The following PDE12 variants were observed in gnomAD, a reference collection of about 807,000 sequenced individuals.
The protein encoded by PDE12 is phosphodiesterase 12.
A neutral mutation model predicts 45.4 loss-of-function variants in PDE12; 26 were observed. The observed-to-expected ratio is 0.57, with a 90% CI of 0.42 to 0.79. The LOEUF (loss-of-function observed/expected upper bound fraction) is 0.79. PDE12 is among the 30% of genes least tolerant of loss of function. The pLI is 0.00. For missense variants in PDE12, 668 were observed against 790.0 expected, an observed-to-expected ratio of 0.85 and a Z score of 1.85; for synonymous variants, 283 against 323.9, an observed-to-expected ratio of 0.87 and a Z score of 1.36.
chr3:57,618,928 T>G, the PDE12 span, among the ~76,000 whole-genome samples: 1 of 152,262 alleles, frequency 6.6e-6, no homozygotes, highest in South Asian at 2.1e-4. Flanking sequence ...TTTGTCAATA[T>G]ATTTGTTAAA....
chr3:57,558,567 C>T (rs1281718655), intron 1 of PDE12, among the ~76,000 whole-genome samples: 5 of 152,100 alleles, frequency 3.3e-5, no homozygotes, highest in Non-Finnish European at 5.9e-5. Flanking sequence ...ATCGGCTCAC[C>T]GCAACTTCCG....
the PDE12 span, among the ~76,000 whole-genome samples, chr3:57,578,738 C>G: frequency 4.6e-5 from 7 of 152,058 alleles, no homozygotes; most frequent in Admixed American, 3.3e-4. Context: ...CTTGGCCTCC[C>G]AAAGTGTTGG....
chr3:57,562,244 T>C lies in PDE12; in HGVS notation c.*2240T>C. ...CATTAACACTGGCTAGATTAAACTC[T>C]AGTCAGAAAAACTCAGCACTTAACA... On this transcript the variant is annotated 3_prime_UTR_variant, in exon 3 of 3. Coordinates refer to ENST00000311180, the MANE Select transcript of PDE12 (RefSeq NM_177966.7). 1 of 373,082 alleles carries C rather than the reference T, an allele frequency of 2.7e-6. No individual in the cohort carries two copies. The highest frequency in any genetic ancestry group is 3.7e-6 in the Non-Finnish European group (1 of 270,302). The allele number at this position is 373,082 out of a possible 1,614,324, so 23.1% of individuals were successfully genotyped here. A position where few individuals can be genotyped will look rare whatever the true frequency, so the allele number is the denominator to read the frequency against.
Position 57,566,217 on chromosome 3 carries a change from T to C in PDE12, c.*6213T>C, listed in dbSNP as rs1034015176. The C allele has an allele frequency of 1.3e-5, 2 of 152,254 alleles. No homozygotes were observed. The highest frequency in any genetic ancestry group is 4.8e-5 in the African/African-American group (2 of 41,456). 9.4% of individuals were successfully genotyped at this position (152,254 alleles called of 1,614,324 possible). A position where few individuals can be genotyped will look rare whatever the true frequency, so the allele number is the denominator to read the frequency against. ...CCTGTCTCTGTGGATTTGCCTATTC[T>C]GGACATTTCATATAAATTGAATCAT... On this transcript the variant is annotated 3_prime_UTR_variant, in exon 3 of 3. Transcript: ENST00000311180.
chr3:57,629,507 C>CTTTT, the PDE12 span, among the ~76,000 whole-genome samples: 24 of 98,228 alleles, frequency 2.4e-4, no homozygotes, highest in Admixed American at 8.5e-4. Context: ...AATCAGTCCG[C>CTTTT]TTTTTTTTTT....
the PDE12 span, among the ~76,000 whole-genome samples, chr3:57,589,462 G>A: frequency 6.6e-6 from 1 of 152,212 alleles, no homozygotes; most frequent in Admixed American, 6.5e-5. Context: ...GCTCACACCT[G>A]TAATCCCAGC....
chr3:57,597,907 C>T, the PDE12 span: 4 of 152,200 alleles, frequency 2.6e-5, no homozygotes, highest in Non-Finnish European at 5.9e-5. Flanking sequence ...TAAAAGCTGA[C>T]TTGTGGGCCG....
At chr3:57,598,979 G>T in the PDE12 span, among the ~76,000 whole-genome samples, 1 of 152,140 alleles carries the variant, frequency 6.6e-6, no homozygotes, top group Non-Finnish European at 1.5e-5. Context: ...AGTTAATTTA[G>T]AAAGTTAATT....
the PDE12 span, among the ~76,000 whole-genome samples, chr3:57,645,137 C>T: frequency 6.6e-5 from 10 of 152,088 alleles, no homozygotes; most frequent in Non-Finnish European, 1.5e-4. Flanking sequence ...AACCCAGTCG[C>T]TATTAATGAC....
the PDE12 span, among the ~76,000 whole-genome samples, chr3:57,573,566 T>C: frequency 2.0e-5 from 3 of 152,190 alleles, no homozygotes; most frequent in African/African-American, 4.8e-5. Flanking sequence ...TTAGTGTTGC[T>C]TGCTTATTTA....
At chr3:57,630,440 AG>A in the PDE12 span, 1 of 1,590,748 alleles carries the variant, frequency 6.3e-7, no homozygotes, top group Non-Finnish European at 8.5e-7. Context: ...AAGAGCTTCT[AG>A]ATGGAGTGCC....
At chr3:57,634,066 T>C in the PDE12 span, among the ~76,000 whole-genome samples, 2 of 152,150 alleles carry the variant, frequency 1.3e-5, no homozygotes, top group Admixed American at 6.6e-5. Flanking sequence ...CACTCATGTG[T>C]AGCTACAGCC....
the PDE12 span, among the ~76,000 whole-genome samples, chr3:57,650,445 CAT>C: frequency 4.0e-5 from 6 of 149,372 alleles, no homozygotes; most frequent in East Asian, 2.0e-4. Flanking sequence ...CACACACACA[CAT>C]ACATACACAC....
chr3:57,628,512 G>A, the PDE12 span, among the ~76,000 whole-genome samples: 501 of 152,134 alleles, frequency 3.3e-3, 11 homozygotes, highest in East Asian at 0.058. Flanking sequence ...TAAACAATTC[G>A]TTATTGAGCT....
At chr3:57,584,303 A>T in the PDE12 span, 7 of 1,263,412 alleles carry the variant, frequency 5.5e-6, no homozygotes, top group Non-Finnish European at 8.0e-6. Context: ...ATGCTTAACA[A>T]AAAGACAATC....
the PDE12 span, among the ~76,000 whole-genome samples, chr3:57,621,006 A>T: frequency 6.6e-6 from 1 of 152,212 alleles, no homozygotes; most frequent in Non-Finnish European, 1.5e-5. Context: ...TAAAGTAATT[A>T]AGTAAGCAAA....
At chr3:57,653,785 T>C in the PDE12 span, among the ~76,000 whole-genome samples, 1 of 146,622 alleles carries the variant, frequency 6.8e-6, no homozygotes, top group East Asian at 2.0e-4. Context: ...CCAAATTAAC[T>C]GCAGTATAGG....
the PDE12 span, among the ~76,000 whole-genome samples, chr3:57,648,448 G>T: frequency 6.6e-6 from 1 of 151,980 alleles, no homozygotes; most frequent in African/African-American, 2.4e-5. Flanking sequence ...CAAATTCAAC[G>T]CAATTCCCAT....
the PDE12 span, among the ~76,000 whole-genome samples, chr3:57,572,495 A>G: frequency 6.6e-6 from 1 of 151,322 alleles, no homozygotes; most frequent in African/African-American, 2.4e-5. Context: ...CGGAGATGGG[A>G]GGATCACTTG....
Sources: allele counts gnomAD v4.1 joint callset (sites outside exome capture counted in the v4.1 genomes callset), GRCh38; gene constraint gnomAD v4.1.1; transcripts MANE v1.5; gene names NCBI Gene and HGNC (gene_info 2026-07-23, HGNC 2026-07-21).